WARS1: variants seen among roughly 807,000 people sequenced by gnomAD.
WARS1 encodes tryptophanyl-tRNA synthetase 1, also known as tryptophan--tRNA ligase, cytoplasmic.
A neutral mutation model predicts 47.8 loss-of-function variants in WARS1; 17 were observed. The ratio of observed to expected loss-of-function variants is 0.36; its 90% CI spans 0.24 to 0.53. The LOEUF is 0.53. Ranked by LOEUF, WARS1 falls within the 20% of genes least tolerant of loss-of-function variation. WARS1 has a pLI of 0.91. For missense variants in WARS1, 434 were observed against 608.0 expected (o/e 0.71, Z 3.01); for synonymous variants, 208 against 228.1 (o/e 0.91, Z 0.79).
chr14:100,345,802 T>C (rs1338885167), intron 7 of WARS1, among the ~76,000 whole-genome samples: 1 of 152,262 alleles, frequency 6.6e-6, no homozygotes, highest in African/African-American at 2.4e-5. Context: ...ACTTTTGACC[T>C]CTCTATGGCC....
At chr14:100,370,342 C>T (rs1595465089) in intron 1 of WARS1, 1 of 152,160 alleles carries the variant, frequency 6.6e-6, no homozygotes, top group Non-Finnish European at 1.5e-5. Context: ...TAAAATGGCG[C>T]CACCAGGAAC....
At chr14:100,336,451 C>T (rs1485063233) in intron 10 of WARS1, among the ~76,000 whole-genome samples, 1 of 152,252 alleles carries the variant, frequency 6.6e-6, no homozygotes, top group African/African-American at 2.4e-5. Flanking sequence ...CATAATAATC[C>T]ACCCTGTAAC....
intron 4 of WARS1, among the ~76,000 whole-genome samples, chr14:100,359,785 T>C (rs1159763375): frequency 6.6e-6 from 1 of 152,200 alleles, no homozygotes; most frequent in African/African-American, 2.4e-5. Flanking sequence ...ATAAGTTTTA[T>C]AGTATGTGAA....
At chr14:100,339,409 G>C (rs545102724) in intron 9 of WARS1, among the ~76,000 whole-genome samples, 2 of 152,016 alleles carry the variant, frequency 1.3e-5, no homozygotes, top group South Asian at 4.2e-4. Context: ...GGCTAACACG[G>C]TGAAACCCCG....
rs781084155 is a variant in WARS1 at position 100,337,125 on chromosome 14, G to A, written c.1191C>T (p.Asp397=). ...HRQFGGNCDV[D]VSFMYLTFFL... is the part of the protein sequence containing the mutation. ...AGAAGGTCAGGTACATGAAAGACAC[G>A]TCCACATCACAGTTGCCCCCAAACT... Residue 397 remains aspartate, a synonymous_variant, in exon 10 of 11, where the codon GAC becomes GAT. Coordinates refer to ENST00000392882, the MANE Select transcript of WARS1 (RefSeq NM_004184.4). 31 of 1,614,050 alleles carry A rather than the reference G, an allele frequency of 1.9e-5. 1 individual carries two copies. The South Asian group carries it at 2.2e-4, about 11-fold the overall frequency.
At chr14:100,345,964 T>C (rs576050098) in intron 7 of WARS1, among the ~76,000 whole-genome samples, 4 of 152,232 alleles carry the variant, frequency 2.6e-5, no homozygotes, top group African/African-American at 9.6e-5. Flanking sequence ...CCAAGCAGGG[T>C]GAACGCTCCT....
rs5810993 is a variant in WARS1, at chr14:100,365,728, CTTT to C, written c.99+3356_99+3358del. 9.3e-3 allele frequency among the ~76,000 whole-genome samples: 1,323 copies of C among 141,774 alleles called. 16 individuals are homozygous for C. The highest frequency in any genetic ancestry group is 0.018 in the Middle Eastern group (5 of 276). The allele number at this position is 141,774 out of a possible 152,430, so 93.0% of individuals were successfully genotyped here. A position where few individuals can be genotyped will look rare whatever the true frequency, so the allele number is the denominator to read the frequency against. ...CTACTACAACAAAAGCAGAGATCTTCTTTTTTTTTTTTTTTTTTAAAGCATAAT... is the reference window on the plus strand; with the variant it reads ...CTACTACAACAAAAGCAGAGATCTTCTTTTTTTTTTTTTTTAAAGCATAAT... On this transcript the variant is annotated intron_variant, in intron 2 of 10. Coordinates refer to ENST00000392882, the MANE Select transcript of WARS1 (RefSeq NM_004184.4).
chr14:100,365,734 T>C (rs1255585380), intron 2 of WARS1, among the ~76,000 whole-genome samples: 3 of 151,560 alleles, frequency 2.0e-5, no homozygotes, highest in Non-Finnish European at 2.9e-5. Flanking sequence ...TCTTCTTTTT[T>C]TTTTTTTTTT....
chr14:100,336,217 A>C (rs539700878), intron 10 of WARS1, among the ~76,000 whole-genome samples: 1 of 147,610 alleles, frequency 6.8e-6, no homozygotes, highest in East Asian at 2.0e-4. Context: ...CAGAGCTTGC[A>C]GTGAGCCGAG....
At chr14:100,368,915 T>C (rs767691050) in intron 2 of WARS1, among the ~76,000 whole-genome samples, 172 bp downstream of exon 2, 13 of 152,236 alleles carry the variant, frequency 8.5e-5, no homozygotes, top group African/African-American at 3.1e-4. Context: ...AAGCTTAGAT[T>C]GCACCATTGC....
intron 5 of WARS1, 167 bp from the exon 6 acceptor site, chr14:100,354,036 T>C (rs1446562737): frequency 1.1e-5 from 7 of 637,784 alleles, no homozygotes; most frequent in African/African-American, 3.7e-5. Flanking sequence ...AATGATAAGG[T>C]CTACTACCAT....
At chr14:100,349,980 T>C (rs1894863265) in intron 6 of WARS1, among the ~76,000 whole-genome samples, 1 of 152,220 alleles carries the variant, frequency 6.6e-6, no homozygotes, top group African/African-American at 2.4e-5. Flanking sequence ...GAATAGAGGA[T>C]TTACCCTTTA....
intron 3 of WARS1, among the ~76,000 whole-genome samples, chr14:100,361,300 A>G (rs1895646673): frequency 6.6e-6 from 1 of 152,242 alleles, no homozygotes. Flanking sequence ...CCGATGTGAG[A>G]AGTCACTGCT....
intron 2 of WARS1, among the ~76,000 whole-genome samples, chr14:100,367,348 C>T (rs987782434): frequency 1.3e-5 from 2 of 151,940 alleles, no homozygotes; most frequent in Admixed American, 6.6e-5. Context: ...CCAGCACTTT[C>T]GGAGGCCGAG....
chr14:100,343,699 C>T (rs1266746425), intron 7 of WARS1, among the ~76,000 whole-genome samples: 2 of 151,364 alleles, frequency 1.3e-5, no homozygotes, highest in African/African-American at 4.9e-5. Context: ...TGTGGTGGCT[C>T]GATCTCAGCT....
chr14:100,365,111 C>T (rs180906556), intron 2 of WARS1, among the ~76,000 whole-genome samples: 190 of 133,086 alleles, frequency 1.4e-3, no homozygotes, highest in Middle Eastern at 3.8e-3. Flanking sequence ...GAGCGAGACC[C>T]TGTCTCAAAA....
intron 7 of WARS1, among the ~76,000 whole-genome samples, chr14:100,344,717 G>C (rs966473367): frequency 6.6e-6 from 1 of 150,958 alleles, no homozygotes; most frequent in African/African-American, 2.4e-5. Context: ...GAGATGTGGG[G>C]AGCGCCTCTG....
rs560561572 is a variant in WARS1, at chr14:100,353,988, A to T, written c.543-119T>A. 2.7e-4 allele frequency: 235 copies of T among 877,404 alleles called. No individual in the cohort carries two copies. In the African/African-American group the frequency reaches 3.6e-3, roughly 13 times the overall value. The allele number at this position is 877,404 out of a possible 1,614,324, so 54.4% of individuals were successfully genotyped here. The stretch of plus-strand genomic sequence containing the variant: ...ATGTTAAAACTTCCTTGCCTACAAA[A>T]TCACAATTTGAATTGTGATATGAAT... On this transcript the variant is annotated intron_variant, in intron 5 of 10. Transcript: ENST00000392882.
chr14:100,344,088 CG>C (rs1281755219), intron 7 of WARS1, among the ~76,000 whole-genome samples: 7 of 151,312 alleles, frequency 4.6e-5, no homozygotes, highest in African/African-American at 1.7e-4. Context: ...CCTCTCCCCA[CG>C]GTCTCCCTCT....
Sources: gnomAD v4.1 joint callset for allele counts (sites outside exome capture counted in the v4.1 genomes callset) on GRCh38, gnomAD v4.1.1 for gene constraint, MANE v1.5 for transcripts, NCBI Gene and HGNC (gene_info 2026-07-23, HGNC 2026-07-21) for gene names.